Variants in ITPKB observed in about 807,000 individuals in gnomAD.
ITPKB encodes inositol-trisphosphate 3-kinase B.
ITPKB carries 13 observed loss-of-function variants against 69.4 expected under a neutral mutation model. The observed-to-expected ratio is 0.19, with a 90% CI of 0.12 to 0.30. The LOEUF is 0.30. Ranked by LOEUF, ITPKB falls within the 10% of genes least tolerant of loss-of-function variation. ITPKB has a pLI of 1.00. For synonymous variants in ITPKB, 584 were observed against 513.7 expected (o/e 1.14, Z -1.85); for missense variants, 1,240 against 1,250.5 (o/e 0.99, Z 0.13).
intron 2 of ITPKB, among the ~76,000 whole-genome samples, chr1:226,724,873 G>A (rs977102563): frequency 1.3e-5 from 2 of 152,176 alleles, no homozygotes; most frequent in East Asian, 1.9e-4. Flanking sequence ...AGAATCCAAC[G>A]CTCCAAATCA....
Position 226,725,320 on chromosome 1 carries a change from G to A in ITPKB, c.1932+10207C>T, listed in dbSNP as rs542396645. 9.2e-5 allele frequency among the ~76,000 whole-genome samples: 14 copies of A among 152,264 alleles called. No individual in the cohort carries two copies. The South Asian group carries it at 2.9e-3, about 32-fold the overall frequency. Reference sequence around the variant, plus strand: ...TGCCTGCTATTTGGGCTGCCACTGGGTGCAAAGTGCACTTCTCAAAGTGGG... The same window carrying A: ...TGCCTGCTATTTGGGCTGCCACTGGATGCAAAGTGCACTTCTCAAAGTGGG... On this transcript the variant is annotated intron_variant, in intron 2 of 7. Transcript: ENST00000429204.
chr1:226,723,155 G>A (rs150265891), intron 2 of ITPKB, among the ~76,000 whole-genome samples: 5 of 152,064 alleles, frequency 3.3e-5, no homozygotes, highest in East Asian at 3.8e-4. Flanking sequence ...TGGTGTGCTC[G>A]GGGTTCATCA....
intron 2 of ITPKB, among the ~76,000 whole-genome samples, chr1:226,649,406 ATGTG>A (rs71704131): frequency 1.4e-5 from 2 of 144,310 alleles, no homozygotes; most frequent in South Asian, 4.4e-4. Context: ...GTGTGTGTGC[ATGTG>A]TGATATGTGC....
chr1:226,697,436 C>T (rs1656516091), intron 2 of ITPKB, among the ~76,000 whole-genome samples: 2 of 152,162 alleles, frequency 1.3e-5, no homozygotes, highest in Non-Finnish European at 2.9e-5. Flanking sequence ...CACTGTGATG[C>T]AGACACAGCC....
Position 226,706,075 on chromosome 1 carries a change from T to C in ITPKB, c.1932+29452A>G, listed in dbSNP as rs1009174563. ...GGCAGAGGCTAGTATCTGCTGGGAA[T>C]TGCCAGAAAGATGATCCCCCTCCTG... On this transcript the variant is annotated intron_variant, in intron 2 of 7. Coordinates refer to ENST00000429204, the MANE Select transcript of ITPKB (RefSeq NM_002221.4). Among the ~76,000 whole-genome samples, 5 of 152,130 alleles carry C rather than the reference T, an allele frequency of 3.3e-5. No homozygotes were observed. In the East Asian group the frequency reaches 5.8e-4, roughly 18 times the overall value.
At chr1:226,653,615 C>T (rs558649402) in intron 2 of ITPKB, among the ~76,000 whole-genome samples, 1 of 152,326 alleles carries the variant, frequency 6.6e-6, no homozygotes, top group South Asian at 2.1e-4. Flanking sequence ...TTCTAGACTC[C>T]GGATGGAGTT....
intron 2 of ITPKB, among the ~76,000 whole-genome samples, chr1:226,657,749 G>C (rs1571843896): frequency 6.6e-6 from 1 of 152,176 alleles, no homozygotes; most frequent in East Asian, 1.9e-4. Flanking sequence ...CTTGCAAAAG[G>C]TCACACAGCT....
chr1:226,718,343 G>A (rs1402353043), intron 2 of ITPKB, among the ~76,000 whole-genome samples: 7 of 151,618 alleles, frequency 4.6e-5, no homozygotes, highest in Non-Finnish European at 7.4e-5. Flanking sequence ...GAAGGCTGGC[G>A]TGGTGGCTCA....
chr1:226,701,760 G>A (rs924127665), intron 2 of ITPKB, among the ~76,000 whole-genome samples: 1 of 152,120 alleles, frequency 6.6e-6, no homozygotes, highest in African/African-American at 2.4e-5. Context: ...TTCTGCTGCT[G>A]GCTGCGCCTG....
Position 226,736,621 on chromosome 1 carries a change from A to C in ITPKB, c.838T>G (p.Ser280Ala). Residue 280 changes from serine (S) to alanine (A), a missense_variant, in exon 2 of 8, where the codon TCT (serine) becomes GCT (alanine). Physicochemically the swap from Ser to Ala is moderately conservative, Grantham distance 99. Coordinates refer to ENST00000429204, the MANE Select transcript of ITPKB (RefSeq NM_002221.4). ...PTAMEIDKRG[S>A]PTPGTRSCLA... ...CAGCTCCGAGTTCCCGGGGTAGGAG[A>C]GCCCCTTTTGTCAATTTCCATAGCT... 1 of 1,613,646 alleles carries C rather than the reference A, an allele frequency of 6.2e-7. No individual in the cohort carries two copies. Among genetic ancestry groups the C allele is most frequent in the Non-Finnish European group, 8.5e-7 (1 of 1,180,002 alleles).
chr1:226,671,139 G>A (rs1237084688), intron 2 of ITPKB, among the ~76,000 whole-genome samples: 3 of 152,192 alleles, frequency 2.0e-5, no homozygotes, highest in African/African-American at 7.2e-5. Flanking sequence ...CCCTGAATGG[G>A]TTGACTGCTC....
intron 2 of ITPKB, among the ~76,000 whole-genome samples, chr1:226,708,776 G>T (rs1338616285): frequency 1.3e-5 from 2 of 152,250 alleles, no homozygotes; most frequent in African/African-American, 4.8e-5. Flanking sequence ...GTGAAAGAAT[G>T]TGTTTTCTTT....
intron 2 of ITPKB, among the ~76,000 whole-genome samples, chr1:226,687,704 T>G (rs1656247538): frequency 6.6e-6 from 1 of 152,210 alleles, no homozygotes. Context: ...CCTGCCCTCC[T>G]GTGGCCTTGC....
At chr1:226,703,454 A>G (rs1656717461) in intron 2 of ITPKB, among the ~76,000 whole-genome samples, 1 of 152,178 alleles carries the variant, frequency 6.6e-6, no homozygotes, top group Non-Finnish European at 1.5e-5. Context: ...GGCCTGCTCT[A>G]CAGGGGGCTT....
intron 2 of ITPKB, among the ~76,000 whole-genome samples, chr1:226,717,569 G>C (rs1191704866): frequency 1.3e-5 from 2 of 152,204 alleles, no homozygotes; most frequent in Admixed American, 1.3e-4. Context: ...GAGACACTCT[G>C]CATCTGCTTC....
rs747681774 is a variant in ITPKB at position 226,642,008 on chromosome 1, C to T, written c.2364G>A (p.Gln788=). The change falls in exon 5 of 8, where the codon CAG becomes CAA. Residue 788 remains glutamine (Q), a synonymous_variant. Transcript: ENST00000429204. The surrounding 1 kb of genome is among the most constrained non-coding windows in gnomAD (Gnocchi z 6.4). The stretch of plus-strand genomic sequence containing the variant: ...TGTACCGTGGCTTGGTCACAGCCCG[C>T]TGTGCTTTTTCCTCCTCGGTGGGGG... ...PEAPTEEEKA[Q]RAVTKPRYMQ... is the part of the protein sequence containing the mutation. The T allele has an allele frequency of 1.9e-6, 3 of 1,614,132 alleles. No homozygotes were observed. In the Admixed American group the frequency reaches 5.0e-5, roughly 27 times the overall value.
intron 2 of ITPKB, among the ~76,000 whole-genome samples, chr1:226,715,985 A>G (rs1657085065): frequency 6.6e-6 from 1 of 152,082 alleles, no homozygotes; most frequent in African/African-American, 2.4e-5. Flanking sequence ...TAATTTTTGT[A>G]TTTTTAGTAG....
At chr1:226,655,399 G>A (rs904291054) in intron 2 of ITPKB, among the ~76,000 whole-genome samples, 2 of 152,208 alleles carry the variant, frequency 1.3e-5, no homozygotes, top group African/African-American at 4.8e-5. Context: ...GGAGACAGCA[G>A]GTGACCCCAG....
Position 226,698,170 on chromosome 1 carries a change from AT to A in ITPKB, c.1932+37356del, listed in dbSNP as rs1358056287. On this transcript the variant is annotated intron_variant, in intron 2 of 7. Coordinates refer to ENST00000429204, the MANE Select transcript of ITPKB (RefSeq NM_002221.4). The stretch of plus-strand genomic sequence containing the variant: ...ACCTTCAGGGCAGAAGCTCTGTTTG[AT>A]TTATCTTTTGTTTCCACAGCACCTA... Among the ~76,000 whole-genome samples the A allele has an allele frequency of 2.7e-5, 4 of 146,652 alleles. No individual in the cohort carries two copies. The East Asian group carries it at 7.7e-4, about 28-fold the overall frequency.
Sources: allele counts gnomAD v4.1 joint callset (sites outside exome capture counted in the v4.1 genomes callset), GRCh38; gene constraint gnomAD v4.1.1; non-coding constraint Gnocchi (gnomAD v3.1); transcripts MANE v1.5; gene names NCBI Gene and HGNC (gene_info 2026-07-23, HGNC 2026-07-21).